The following SHISA9 variants were observed in gnomAD, a reference collection of about 807,000 sequenced individuals.
SHISA9 encodes protein shisa-9.
SHISA9 carries 13 observed loss-of-function variants against 38.0 expected under a neutral mutation model. The ratio of observed to expected loss-of-function variants is 0.34; its 90% CI spans 0.22 to 0.54. SHISA9 has a LOEUF of 0.54. Ranked by LOEUF, SHISA9 falls within the 20% of genes least tolerant of loss-of-function variation. The probability of loss-of-function intolerance (pLI) is 0.91; values close to 1 mark genes in which losing one functional copy is unlikely to be tolerated. For missense variants in SHISA9, 538 were observed against 575.8 expected, an observed-to-expected ratio of 0.93 and a Z score of 0.67; for synonymous variants, 275 against 242.0, an observed-to-expected ratio of 1.14 and a Z score of -1.27.
chr16:13,209,824 G>A (rs1260108125), intron 3 of SHISA9, among the ~76,000 whole-genome samples: 4 of 152,156 alleles, frequency 2.6e-5, no homozygotes, highest in Non-Finnish European at 4.4e-5. Context: ...TCCCTAGGCC[G>A]GGTGCAGTGG....
At chr16:13,011,109 G>T (rs1254960799) in intron 2 of SHISA9, among the ~76,000 whole-genome samples, 1 of 152,204 alleles carries the variant, frequency 6.6e-6, no homozygotes, top group Non-Finnish European at 1.5e-5. Flanking sequence ...TGTTGTAATG[G>T]AGTTTACGTT....
chr16:13,156,276 A>C (rs2050545928), intron 2 of SHISA9, among the ~76,000 whole-genome samples: 1 of 152,188 alleles, frequency 6.6e-6, no homozygotes, highest in Non-Finnish European at 1.5e-5. Flanking sequence ...ATCAATGACC[A>C]CTGTGAGGAT....
intron 4 of SHISA9, among the ~76,000 whole-genome samples, chr16:13,226,976 C>T (rs1376782564): frequency 6.6e-6 from 1 of 152,160 alleles, no homozygotes; most frequent in Non-Finnish European, 1.5e-5. Context: ...GTAAGAGCTG[C>T]AAAGTATTTT....
chr16:13,233,991 A>G (rs1370257843), intron 4 of SHISA9, among the ~76,000 whole-genome samples: 1 of 152,230 alleles, frequency 6.6e-6, no homozygotes, highest in Non-Finnish European at 1.5e-5. Context: ...CAGCAGAGTA[A>G]GATCCTGTCT....
chr16:12,908,332 G>T, intron 1 of SHISA9: 2 of 1,309,030 alleles, frequency 1.5e-6, no homozygotes, highest in Non-Finnish European at 2.1e-6. Context: ...GTGCAGAATA[G>T]GAGGGAGGGT....
At chr16:13,268,376 G>A in the SHISA9 span, among the ~76,000 whole-genome samples, 1 of 152,274 alleles carries the variant, frequency 6.6e-6, no homozygotes, top group South Asian at 2.1e-4. Context: ...TGGATGTGGT[G>A]GCACATGCCT....
chr16:13,231,874 C>G (rs151287157), intron 4 of SHISA9, among the ~76,000 whole-genome samples: 13 of 152,198 alleles, frequency 8.5e-5, no homozygotes, highest in Admixed American at 6.5e-4. Flanking sequence ...AATGTAGGTT[C>G]TACTCTGGCT....
the SHISA9 span, among the ~76,000 whole-genome samples, chr16:13,527,613 A>T: frequency 7.9e-5 from 12 of 152,306 alleles, no homozygotes; most frequent in African/African-American, 2.6e-4. Context: ...GAGTAAGAAG[A>T]ATGAAGCAAA....
the SHISA9 span, among the ~76,000 whole-genome samples, chr16:13,342,677 C>T: frequency 2.0e-5 from 3 of 152,108 alleles, no homozygotes; most frequent in Non-Finnish European, 4.4e-5. Context: ...GACTCTAATC[C>T]GTTTACACCA....
chr16:13,091,950 T>G (rs1192592574), intron 2 of SHISA9, among the ~76,000 whole-genome samples: 1 of 152,242 alleles, frequency 6.6e-6, no homozygotes, highest in Non-Finnish European at 1.5e-5. Flanking sequence ...TACCTACCTT[T>G]GGTCTTTGAT....
chr16:13,207,170 A>G (rs1459630116), intron 3 of SHISA9, among the ~76,000 whole-genome samples: 3 of 152,176 alleles, frequency 2.0e-5, no homozygotes, highest in Non-Finnish European at 2.9e-5. Context: ...AGGCTGAGGC[A>G]TGAGAATCAC....
At chr16:13,319,769 GGT>G in the SHISA9 span, among the ~76,000 whole-genome samples, 1 of 151,122 alleles carries the variant, frequency 6.6e-6, no homozygotes, top group African/African-American at 2.4e-5. Context: ...GCCTTTCCAG[GGT>G]GTACAGTGCA....
chr16:13,489,374 ATC>A, the SHISA9 span, among the ~76,000 whole-genome samples: 1 of 152,140 alleles, frequency 6.6e-6, no homozygotes, highest in Non-Finnish European at 1.5e-5. Flanking sequence ...TTAGACTTGT[ATC>A]TCTGTTGTTA....
At chr16:13,499,736 A>C in the SHISA9 span, among the ~76,000 whole-genome samples, 1 of 152,202 alleles carries the variant, frequency 6.6e-6, no homozygotes, top group Non-Finnish European at 1.5e-5. Flanking sequence ...GGCCCAGGGC[A>C]CTTTGAACAT....
chr16:13,107,172 C>T (rs1434850728), intron 2 of SHISA9, among the ~76,000 whole-genome samples: 3 of 152,048 alleles, frequency 2.0e-5, no homozygotes, highest in Non-Finnish European at 4.4e-5. Context: ...GTGGCTCATG[C>T]CTATAATCCC....
intron 2 of SHISA9, among the ~76,000 whole-genome samples, chr16:12,940,433 C>A (rs918801007): frequency 2.8e-5 from 4 of 141,846 alleles, no homozygotes; most frequent in Non-Finnish European, 6.1e-5. Context: ...CATAAATGAC[C>A]CCCCATCTCT....
At chr16:13,428,279 A>G in the SHISA9 span, among the ~76,000 whole-genome samples, 1 of 152,160 alleles carries the variant, frequency 6.6e-6, no homozygotes, top group East Asian at 1.9e-4. Flanking sequence ...AATAACTAGC[A>G]AGAAAAACAA....
chr16:13,480,687 A>C, the SHISA9 span, among the ~76,000 whole-genome samples: 1 of 152,152 alleles, frequency 6.6e-6, no homozygotes, highest in African/African-American at 2.4e-5. Context: ...CTCTCATCCA[A>C]GCTGCTTTGG....
rs936957192 is a variant in SHISA9 at position 13,237,536 on chromosome 16, G to A, written c.*2127G>A. ...ACATTAGCTGGGCATGGTGGTGGGT[G>A]CCTGTAATCCCAACTACTCGAGAGG... On this transcript the variant is annotated 3_prime_UTR_variant, in exon 5 of 5. Transcript: ENST00000558583. 2 of 151,648 alleles carry A rather than the reference G, an allele frequency of 1.3e-5. No homozygotes were observed. Among genetic ancestry groups the A allele is most frequent in the African/African-American group, 4.8e-5 (2 of 41,276 alleles). The allele number at this position is 151,648 out of a possible 1,614,324, so 9.4% of individuals were successfully genotyped here.
Sources: gnomAD v4.1 joint callset for allele counts (sites outside exome capture counted in the v4.1 genomes callset) on GRCh38, gnomAD v4.1.1 for gene constraint, MANE v1.5 for transcripts, NCBI Gene and HGNC (gene_info 2026-07-23, HGNC 2026-07-21) for gene names.